Variants in BAHCC1 observed in about 807,000 individuals in gnomAD.
BAHCC1 encodes BAH domain and coiled-coil containing 1.
A neutral mutation model predicts 88.2 loss-of-function variants in BAHCC1; 43 were observed. The observed-to-expected ratio is 0.49, with a 90% CI of 0.38 to 0.63. The LOEUF is 0.63. Among genes scored for constraint, BAHCC1 ranks in the 20% least tolerant of loss-of-function variants. The probability of loss-of-function intolerance (pLI) is 0.00; values close to 1 mark genes in which losing one functional copy is unlikely to be tolerated. For missense variants in BAHCC1, 3,023 were observed against 1,654.8 expected, an observed-to-expected ratio of 1.83 and a Z score of -14.34; for synonymous variants, 1,510 against 745.5, an observed-to-expected ratio of 2.03 and a Z score of -16.71.
rs529875104 is a variant in BAHCC1, at chr17:81,434,906, C to T, written c.359-3464C>T. The stretch of plus-strand genomic sequence containing the variant: ...ATGAGGTACCTGGAGTGGGGGTGCC[C>T]GTCAGGCAGCCAGGGCTGGTGCACC... On this transcript the variant is annotated intron_variant, in intron 3 of 27. Coordinates refer to ENST00000675386, the MANE Select transcript of BAHCC1 (RefSeq NM_001377448.1). This position sits in a 1 kb window ranked among gnomAD's most constrained non-coding sequence, Gnocchi z 4.9. Among the ~76,000 whole-genome samples, 738 of 152,128 alleles carry T rather than the reference C, an allele frequency of 4.9e-3. 6 individuals carry two copies. The highest frequency in any genetic ancestry group is 0.024 in the Admixed American group (366 of 15,286).
Position 81,455,361 on chromosome 17 carries a change from G to A in BAHCC1, c.4540G>A (p.Val1514Ile), listed in dbSNP as rs139373531. The A allele has an allele frequency of 6.7e-3, 4,817 of 716,682 alleles. 88 individuals carry two copies. The highest frequency in any genetic ancestry group is 0.049 in the East Asian group (1,835 of 37,282). The allele number at this position is 716,682 out of a possible 1,614,324, so 44.4% of individuals were successfully genotyped here. Residue 1514 changes from valine to isoleucine, a missense_variant, in exon 15 of 28, where the codon GTC becomes ATC. Physicochemically the swap from Val to Ile is conservative, Grantham distance 29. Coordinates refer to ENST00000675386, the MANE Select transcript of BAHCC1 (RefSeq NM_001377448.1). The part of the protein sequence containing the change: ...AKKRSKLERS[V>I]YAGLQTASVE... ...GAAGCGAAGCAAGCTGGAGAGGAGC[G>A]TCTATGCGGGCCTGCAGACTGCCTC...
At chr17:81,433,215 C>T (rs1030540198) in intron 3 of BAHCC1, among the ~76,000 whole-genome samples, 3 of 152,020 alleles carry the variant, frequency 2.0e-5, no homozygotes, top group Admixed American at 6.5e-5. Flanking sequence ...CTTGCTGTGC[C>T]GCCCCGCAAC....
At chr17:81,453,592 C>T (rs552657702) in intron 14 of BAHCC1, among the ~76,000 whole-genome samples, 89 of 60,574 alleles carry the variant, frequency 1.5e-3, no homozygotes, top group African/African-American at 4.8e-3. Context: ...CATATGGCTG[C>T]CCCCCCCCAG....
rs966346823 is a variant in BAHCC1, at chr17:81,447,551, C to G, written c.3679C>G (p.Leu1227Val). ...GEQPAPEEDE[L>V]EEDELGQQSM... ...GCAGCCGGCCCCTGAGGAGGACGAGCTGGAGGAAGACGAGCTGGGGCAGCA... is the reference window on the plus strand; with the variant it reads ...GCAGCCGGCCCCTGAGGAGGACGAGGTGGAGGAAGACGAGCTGGGGCAGCA... Residue 1227 changes from leucine to valine, a missense_variant, in exon 11 of 28, where the codon CTG (leucine) becomes GTG (valine). Physicochemically the swap from Leu to Val is conservative, Grantham distance 32 (BLOSUM62 1). Coordinates refer to ENST00000675386, the MANE Select transcript of BAHCC1 (RefSeq NM_001377448.1). 4.0e-6 allele frequency: 3 copies of G among 757,704 alleles called. No homozygotes were observed. The highest frequency in any genetic ancestry group is 2.5e-6 in the Non-Finnish European group (1 of 407,514). The allele number at this position is 757,704 out of a possible 1,614,324, so 46.9% of individuals were successfully genotyped here.
chr17:81,399,170 C>T lies in BAHCC1; in HGVS notation c.-206-364C>T. 2.4e-6 allele frequency: 1 copy of T among 409,180 alleles called. No individual in the cohort carries two copies. Among genetic ancestry groups the T allele is most frequent in the Non-Finnish European group, 4.9e-6 (1 of 203,764 alleles). The allele number at this position is 409,180 out of a possible 1,614,324, so 25.3% of individuals were successfully genotyped here. ...GTGTGTGTGCGAGTGTGCGTGATGG[C>T]TTCGCAGATTTGGGTTTTTATCACC... is the stretch of plus-strand genomic sequence containing the variant. On this transcript the variant is annotated intron_variant, in intron 1 of 27. Coordinates refer to ENST00000675386, the MANE Select transcript of BAHCC1 (RefSeq NM_001377448.1). The surrounding 1 kb of genome is among the most constrained non-coding windows in gnomAD (Gnocchi z 4.5).
chr17:81,463,591 C>A lies in BAHCC1; in HGVS notation c.7621-20C>A. The A allele has an allele frequency of 1.3e-6, 1 of 778,958 alleles. No individual in the cohort carries two copies. Among genetic ancestry groups the A allele is most frequent in the Non-Finnish European group, 2.4e-6 (1 of 417,760 alleles). 48.3% of individuals were successfully genotyped at this position (778,958 alleles called of 1,614,324 possible). On this transcript the variant is annotated intron_variant, in intron 27 of 27. Coordinates refer to ENST00000675386, the MANE Select transcript of BAHCC1 (RefSeq NM_001377448.1). ...ACTGGCCAAGGCCGGCCACTGATGCCCCGCGCGCCTTGCCCCCAGAATGCG... is the reference window on the plus strand; with the variant it reads ...ACTGGCCAAGGCCGGCCACTGATGCACCGCGCGCCTTGCCCCCAGAATGCG...
At chr17:81,454,878 C>T (rs782604070) in intron 14 of BAHCC1, among the ~76,000 whole-genome samples, 10 of 152,206 alleles carry the variant, frequency 6.6e-5, no homozygotes, top group Non-Finnish European at 8.8e-5. Flanking sequence ...GGCCCCAGCC[C>T]CCGACACCTG....
At chr17:81,444,969 T>G (rs782257278) in intron 8 of BAHCC1, 46 bp from the exon 9 acceptor site, 1 of 702,190 alleles carries the variant, frequency 1.4e-6, no homozygotes, top group East Asian at 2.6e-5. Flanking sequence ...GCCCCGGAGC[T>G]GTCCCCTCCC....
At chr17:81,402,269 G>A (rs2063826458) in intron 2 of BAHCC1, 1 of 152,224 alleles carries the variant, frequency 6.6e-6, no homozygotes, top group South Asian at 2.1e-4. Flanking sequence ...TGGTCATGCA[G>A]ACATCCAGCT....
In BAHCC1 at chr17:81,445,460, C is replaced by A. The variant is rs375846663; in HGVS notation, c.2942C>A (p.Pro981His). 35 of 760,936 alleles carry A rather than the reference C, an allele frequency of 4.6e-5. No homozygotes were observed. Among genetic ancestry groups the A allele is most frequent in the Non-Finnish European group, 8.3e-5 (34 of 410,284 alleles). The allele number at this position is 760,936 out of a possible 1,614,324, so 47.1% of individuals were successfully genotyped here. Residue 981 changes from proline (P) to histidine (H), a missense_variant, in exon 10 of 28, where the codon CCC becomes CAC. Coordinates refer to ENST00000675386, the MANE Select transcript of BAHCC1 (RefSeq NM_001377448.1). ...TTAACCCCCACGGCCCCGGGCGCCC[C>A]CTCACCCGCTGCAGGCCCCACCAAG... ...VALTPTAPGAPSPAAGPTKLP... is the reference protein window; with the variant it reads ...VALTPTAPGAHSPAAGPTKLP...
chr17:81,450,857 G>A (rs782068827), intron 11 of BAHCC1, among the ~76,000 whole-genome samples: 5 of 152,172 alleles, frequency 3.3e-5, no homozygotes, highest in Non-Finnish European at 5.9e-5. Context: ...GCAGTGAGCC[G>A]TGATGGAGCC....
chr17:81,399,768 C>CGCA lies in BAHCC1; in HGVS notation c.30_32dup (p.Pro10_His11insGln). 8.2e-7 allele frequency: 1 copy of CGCA among 1,212,494 alleles called. No homozygotes were observed. Among genetic ancestry groups the CGCA allele is most frequent in the Non-Finnish European group, 1.0e-6 (1 of 975,522 alleles). The allele number at this position is 1,212,494 out of a possible 1,614,324, so 75.1% of individuals were successfully genotyped here. ...GATGGCCGCGACTTTGCGCCGCCGCCGCATCTGCTGTCGGAGCGCGGGAGC... is the reference window on the plus strand; with the variant it reads ...GATGGCCGCGACTTTGCGCCGCCGCCGCAGCATCTGCTGTCGGAGCGCGGGAGC... On this transcript the variant is annotated inframe_insertion, in exon 2 of 28. Coordinates refer to ENST00000675386, the MANE Select transcript of BAHCC1 (RefSeq NM_001377448.1). The surrounding 1 kb of genome is among the most constrained non-coding windows in gnomAD (Gnocchi z 4.5).
chr17:81,419,897 G>A (rs947520435), intron 2 of BAHCC1, among the ~76,000 whole-genome samples: 4 of 149,776 alleles, frequency 2.7e-5, no homozygotes, highest in South Asian at 2.1e-4. Context: ...TGCCGGCTCC[G>A]CGCCCGCCTC....
rs1555645769 is a variant in BAHCC1 at position 81,399,942 on chromosome 17, C to T, written c.178+25C>T. On this transcript the variant is annotated intron_variant, in intron 2 of 27. Transcript: ENST00000675386. This position sits in a 1 kb window ranked among gnomAD's most constrained non-coding sequence, Gnocchi z 4.5. ...GGTCAGTGCTCGGCCGGGGCGGGCG[C>T]GGGACGGGAGCGTTCGAGAGCGGAA... 3.4e-5 allele frequency: 45 copies of T among 1,335,574 alleles called. No homozygotes were observed. The highest frequency in any genetic ancestry group is 4.3e-5 in the Non-Finnish European group (45 of 1,040,882). 82.7% of individuals were successfully genotyped at this position (1,335,574 alleles called of 1,614,324 possible).
intron 16 of BAHCC1, 49 bp downstream of exon 16, chr17:81,456,634 G>A (rs572115552): frequency 8.1e-5 from 54 of 666,008 alleles, no homozygotes; most frequent in African/African-American, 5.9e-4. Context: ...GGTCATGGTC[G>A]CTCGGGGGCT....
chr17:81,438,830 C>A (rs1353594196), intron 4 of BAHCC1, among the ~76,000 whole-genome samples: 2 of 152,178 alleles, frequency 1.3e-5, no homozygotes, highest in Non-Finnish European at 2.9e-5. Context: ...CAGCCCCCAG[C>A]AGCCCGGGGA....
At chr17:81,403,826 G>A (rs1196046371) in intron 2 of BAHCC1, among the ~76,000 whole-genome samples, 8 of 152,318 alleles carry the variant, frequency 5.3e-5, no homozygotes, top group East Asian at 3.9e-4. Flanking sequence ...ATGTGGGGCC[G>A]CGTGGACCGG....
In BAHCC1 at chr17:81,442,849, A is replaced by G; in HGVS notation, c.1500A>G (p.Ser500=). The G allele has an allele frequency of 1.3e-6, 1 of 779,484 alleles. No individual in the cohort carries two copies. Among genetic ancestry groups the G allele is most frequent in the Non-Finnish European group, 2.4e-6 (1 of 417,914 alleles). The allele number at this position is 779,484 out of a possible 1,614,324, so 48.3% of individuals were successfully genotyped here. The change falls in exon 5 of 28, where the codon TCA becomes TCG. Residue 500 remains serine (S), a synonymous_variant. Transcript: ENST00000675386. ...KSGYFELPTS[S]QDCARPGHQD... is the part of the protein sequence containing the mutation. ...GCTACTTCGAGTTGCCCACCTCTTC[A>G]CAGGACTGTGCCCGGCCTGGTCACC... is the stretch of plus-strand genomic sequence containing the variant.
At chr17:81,460,139 G>A in intron 23 of BAHCC1, 138 bp from the exon 24 acceptor site, 1 of 626,306 alleles carries the variant, frequency 1.6e-6, no homozygotes, top group Non-Finnish European at 2.9e-6. Context: ...CTGCAGGGCG[G>A]CTCCACTGTC....
Sources: allele counts gnomAD v4.1 joint callset (sites outside exome capture counted in the v4.1 genomes callset), GRCh38; gene constraint gnomAD v4.1.1; non-coding constraint Gnocchi (gnomAD v3.1); transcripts MANE v1.5; gene names NCBI Gene and HGNC (gene_info 2026-07-23, HGNC 2026-07-21).